Variants in USP34 observed in about 807,000 individuals in gnomAD.
The protein encoded by USP34 is ubiquitin carboxyl-terminal hydrolase 34.
In USP34, 70 loss-of-function variants were observed where a neutral mutation model predicts 460.3. That is an observed-to-expected ratio of 0.15 (90% CI 0.13 to 0.19). The LOEUF (loss-of-function observed/expected upper bound fraction) is 0.19, where lower values mean the gene tolerates loss of function less well. Ranked by LOEUF, USP34 falls within the 10% of genes least tolerant of loss-of-function variation. The pLI is 1.00. For missense variants in USP34, 3,985 were observed against 4,236.2 expected (o/e 0.94, Z 1.65); for synonymous variants, 1,647 against 1,405.3 (o/e 1.17, Z -3.85).
intron 29 of USP34, among the ~76,000 whole-genome samples, chr2:61,298,562 A>AAAAAAAAAAAT (rs1690114541): frequency 6.8e-6 from 1 of 148,014 alleles, no homozygotes; most frequent in Non-Finnish European, 1.5e-5. Flanking sequence ...AAAAAAAAAA[A>AAAAAAAAAAAT]AAAAAAAAAA....
intron 1 of USP34, among the ~76,000 whole-genome samples, chr2:61,469,229 A>C (rs1267868908): frequency 6.6e-6 from 1 of 152,184 alleles, no homozygotes; most frequent in Admixed American, 6.6e-5. Flanking sequence ...AAGATATTTA[A>C]AATCACCAAC....
rs758795540 is a variant in USP34 at position 61,280,381 on chromosome 2, T to A, written c.5152-33A>T. ...AAAAATTTTATACTTTGTGAAAACA[T>A]TTTAAAAATAAATAAAATTATAATA... On this transcript the variant is annotated intron_variant, in intron 38 of 79. Coordinates refer to ENST00000398571, the MANE Select transcript of USP34 (RefSeq NM_014709.4). The A allele has an allele frequency of 2.6e-5, 28 of 1,090,850 alleles. 1 individual carries two copies. The African/African-American group carries it at 4.0e-4, about 15-fold the overall frequency. 67.6% of individuals were successfully genotyped at this position (1,090,850 alleles called of 1,614,324 possible). A position where few individuals can be genotyped will look rare whatever the true frequency, so the allele number is the denominator to read the frequency against.
intron 34 of USP34, among the ~76,000 whole-genome samples, chr2:61,285,705 A>C (rs560757311): frequency 6.6e-6 from 1 of 152,262 alleles, no homozygotes; most frequent in African/African-American, 2.4e-5. Context: ...ATTTAAAAAA[A>C]CATCAAGTAG....
At chr2:61,341,814 G>A (rs1374564841) in intron 16 of USP34, among the ~76,000 whole-genome samples, 3 of 143,844 alleles carry the variant, frequency 2.1e-5, no homozygotes, top group Non-Finnish European at 3.0e-5. Context: ...AGGCTGGAGT[G>A]GAGTGGTATG....
intron 48 of USP34, chr2:61,250,653 T>G (rs751880340): frequency 1.3e-5 from 2 of 154,028 alleles, no homozygotes; most frequent in Non-Finnish European, 2.9e-5. Context: ...TGGCTGTTCA[T>G]TAGTGGGATT....
intron 8 of USP34, among the ~76,000 whole-genome samples, chr2:61,372,844 A>G (rs1395886525): frequency 1.3e-5 from 2 of 152,218 alleles, no homozygotes; most frequent in Non-Finnish European, 2.9e-5. Context: ...AAGAGGTGCC[A>G]GAAAAAATAT....
intron 10 of USP34, among the ~76,000 whole-genome samples, chr2:61,358,543 T>C (rs925279467): frequency 2.6e-4 from 39 of 152,190 alleles, no homozygotes; most frequent in South Asian, 1.2e-3. Flanking sequence ...GAATAACATA[T>C]TTCCCCCTAA....
chr2:61,227,736 CAAA>C (rs11328095), intron 61 of USP34, among the ~76,000 whole-genome samples: 3 of 148,138 alleles, frequency 2.0e-5, no homozygotes, highest in Non-Finnish European at 4.5e-5. Flanking sequence ...AACAAACAAA[CAAA>C]AAAAAAACAA....
Position 61,395,021 on chromosome 2 carries a change from CAT to C in USP34, c.604-21_604-20del, listed in dbSNP as rs779706425. 6.4e-6 allele frequency: 10 copies of C among 1,558,832 alleles called. No homozygotes were observed. The highest frequency in any genetic ancestry group is 5.6e-5 in the African/African-American group (4 of 71,812). ...CTACATCCTGGGAAAATAAAGAAAA[CAT>C]GTCATTATTTGAAAACGTACAAATA... On this transcript the variant is annotated intron_variant, in intron 4 of 79. Transcript: ENST00000398571.
At chr2:61,397,759 C>T (rs945154623) in intron 3 of USP34, among the ~76,000 whole-genome samples, 40 of 151,658 alleles carry the variant, frequency 2.6e-4, no homozygotes, top group African/African-American at 8.7e-4. Flanking sequence ...ATTAGCTGGG[C>T]GTGGTGGCAC....
At chr2:61,238,080 G>C (rs1156274998) in intron 53 of USP34, among the ~76,000 whole-genome samples, 2 of 151,860 alleles carry the variant, frequency 1.3e-5, no homozygotes, top group Non-Finnish European at 2.9e-5. Context: ...ATTTTTAGTA[G>C]AGAGGGGGTT....
Position 61,214,787 on chromosome 2 carries a change from T to C in USP34, c.8048-93A>G. On this transcript the variant is annotated intron_variant, in intron 67 of 79. Transcript: ENST00000398571. Reference sequence around the variant, plus strand: ...ATCACAAAGCCACTGTTCCCTTTAATAATTAAAATGAATAAAAAGGGACAT... The same window carrying C: ...ATCACAAAGCCACTGTTCCCTTTAACAATTAAAATGAATAAAAAGGGACAT... 3 of 1,375,596 alleles carry C rather than the reference T, an allele frequency of 2.2e-6. 1 individual carries two copies. Among genetic ancestry groups the C allele is most frequent in the Non-Finnish European group, 2.0e-6 (2 of 1,024,490 alleles). 85.2% of individuals were successfully genotyped at this position (1,375,596 alleles called of 1,614,324 possible).
chr2:61,455,498 G>C (rs1695411867), intron 1 of USP34, among the ~76,000 whole-genome samples: 1 of 152,044 alleles, frequency 6.6e-6, no homozygotes, highest in South Asian at 2.1e-4. Flanking sequence ...AGATAGCCAG[G>C]TGCAGTGGTG....
chr2:61,433,493 G>T (rs1694733541), intron 1 of USP34, among the ~76,000 whole-genome samples: 1 of 152,072 alleles, frequency 6.6e-6, no homozygotes, highest in South Asian at 2.1e-4. Flanking sequence ...AATTAGCCGG[G>T]CGTGGTGGTG....
At chr2:61,341,193 G>C (rs529050101) in intron 16 of USP34, among the ~76,000 whole-genome samples, 8 of 152,248 alleles carry the variant, frequency 5.3e-5, no homozygotes, top group African/African-American at 1.9e-4. Context: ...CTACTGATGA[G>C]CAAAATTCCA....
At chr2:61,392,777 T>C (rs1693394400) in intron 5 of USP34, among the ~76,000 whole-genome samples, 1 of 152,230 alleles carries the variant, frequency 6.6e-6, no homozygotes, top group South Asian at 2.1e-4. Flanking sequence ...GTTTATGTAA[T>C]ATTCCTGATT....
At chr2:61,225,350 C>A (rs1027989196) in intron 62 of USP34, among the ~76,000 whole-genome samples, 1 of 151,880 alleles carries the variant, frequency 6.6e-6, no homozygotes, top group Non-Finnish European at 1.5e-5. Context: ...ATTACTATTA[C>A]AGTTTAGGAA....
In USP34 at chr2:61,269,184, G is replaced by C. The variant is rs112529218; in HGVS notation, c.5434-3017C>G. 1.5e-3 allele frequency among the ~76,000 whole-genome samples: 233 copies of C among 152,200 alleles called. 2 individuals are homozygous for C. The highest frequency in any genetic ancestry group is 5.4e-3 in the African/African-American group (225 of 41,546). On this transcript the variant is annotated intron_variant, in intron 41 of 79. Coordinates refer to ENST00000398571, the MANE Select transcript of USP34 (RefSeq NM_014709.4). ...AAAATTTCAGAAAGGAGAGTTTGGAGACGATCTCACTCTATCACCCAGGCT... is the reference window on the plus strand; with the variant it reads ...AAAATTTCAGAAAGGAGAGTTTGGACACGATCTCACTCTATCACCCAGGCT...
chr2:61,234,659 G>C (rs1558481517), intron 57 of USP34, among the ~76,000 whole-genome samples: 1 of 152,060 alleles, frequency 6.6e-6, no homozygotes, highest in Non-Finnish European at 1.5e-5. Context: ...TTGTTAAATT[G>C]AGACAGAGTC....
Sources: gnomAD v4.1 joint callset for allele counts (sites outside exome capture counted in the v4.1 genomes callset) on GRCh38, gnomAD v4.1.1 for gene constraint, MANE v1.5 for transcripts, NCBI Gene and HGNC (gene_info 2026-07-23, HGNC 2026-07-21) for gene names.